The following THSD4 variants were observed in gnomAD, a reference collection of about 807,000 sequenced individuals.
THSD4 encodes the protein thrombospondin type 1 domain containing 4, also known as thrombospondin type-1 domain-containing protein 4.
THSD4 carries 69 observed loss-of-function variants against 119.0 expected under a neutral mutation model. The ratio of observed to expected loss-of-function variants is 0.58; its 90% confidence interval spans 0.48 to 0.71. The LOEUF (loss-of-function observed/expected upper bound fraction) is 0.71. THSD4 is among the 30% of genes least tolerant of loss of function. The probability of loss-of-function intolerance (pLI) is 0.00; values close to 1 mark genes in which losing one functional copy is unlikely to be tolerated. For synonymous variants in THSD4, 524 were observed against 540.4 expected (o/e 0.97, Z 0.42); for missense variants, 1,393 against 1,391.1 (o/e 1.00, Z -0.02).
At chr15:71,137,481 A>G (rs1434146659) in intron 1 of THSD4, among the ~76,000 whole-genome samples, 5 of 152,222 alleles carry the variant, frequency 3.3e-5, no homozygotes, top group Non-Finnish European at 7.3e-5. Context: ...TGGGATCCAC[A>G]GTAAGAAATA....
chr15:71,396,462 T>C (rs2140477748), intron 6 of THSD4, among the ~76,000 whole-genome samples: 1 of 152,320 alleles, frequency 6.6e-6, no homozygotes, highest in Non-Finnish European at 1.5e-5. Flanking sequence ...CTTTACTTTA[T>C]GTGGCAGTTT....
intron 3 of THSD4, among the ~76,000 whole-genome samples, chr15:71,156,826 A>G (rs1169109961): frequency 6.6e-6 from 1 of 152,142 alleles, no homozygotes; most frequent in African/African-American, 2.4e-5. Context: ...CCCAGCTCCT[A>G]GAATACAGCC....
chr15:71,338,457 G>T (rs759902145), intron 6 of THSD4, among the ~76,000 whole-genome samples: 2 of 152,138 alleles, frequency 1.3e-5, no homozygotes, highest in African/African-American at 2.4e-5. Flanking sequence ...ATTGGGCCAT[G>T]AGGTAATGCC....
intron 1 of THSD4, among the ~76,000 whole-genome samples, chr15:71,136,761 TGGGTTCCTCCAGGAG>T (rs1401447439): frequency 6.6e-6 from 1 of 152,034 alleles, no homozygotes; most frequent in East Asian, 1.9e-4. Context: ...TTCTGAGGCA[TGGGTTCCTCCAGGAG>T]GGGGTCCTCC....
intron 3 of THSD4, among the ~76,000 whole-genome samples, chr15:71,164,427 G>A (rs1397224520): frequency 2.8e-5 from 4 of 144,174 alleles, no homozygotes; most frequent in Admixed American, 6.9e-5. Flanking sequence ...CAATTATTTC[G>A]TATAAGCTGC....
intron 7 of THSD4, among the ~76,000 whole-genome samples, chr15:71,534,106 A>G (rs975389022): frequency 2.0e-5 from 3 of 152,120 alleles, no homozygotes; most frequent in Non-Finnish European, 2.9e-5. Context: ...CACACAACAC[A>G]CTTGGCTAGC....
At chr15:71,510,361 C>T (rs2048261005) in intron 7 of THSD4, among the ~76,000 whole-genome samples, 1 of 152,212 alleles carries the variant, frequency 6.6e-6, no homozygotes, top group African/African-American at 2.4e-5. Context: ...GCTACAGCTG[C>T]AAACAAGGCA....
chr15:71,232,826 G>A (rs188753219), intron 4 of THSD4, among the ~76,000 whole-genome samples: 2 of 152,186 alleles, frequency 1.3e-5, no homozygotes, highest in African/African-American at 4.8e-5. Flanking sequence ...AGCCAGGTGG[G>A]TCTTTCAAAT....
rs150658978 is a variant in THSD4 at position 71,458,798 on chromosome 15, G to A, written c.1152+46975G>A. Among the ~76,000 whole-genome samples, 82 of 152,292 alleles carry A rather than the reference G, an allele frequency of 5.4e-4. No individual in the cohort carries two copies. In the Middle Eastern group the frequency reaches 0.01, roughly 19 times the overall value. ...TGGAGAAAGCATGGAAGACATTTAC[G>A]TTACTGAAAGAGGGCCATTCTTATT... On this transcript the variant is annotated intron_variant, in intron 7 of 17. Transcript: ENST00000261862.
intron 7 of THSD4, among the ~76,000 whole-genome samples, chr15:71,650,602 G>A (rs1409884427): frequency 1.3e-5 from 2 of 152,180 alleles, no homozygotes; most frequent in Non-Finnish European, 2.9e-5. Context: ...CACCAGCAGT[G>A]TGCTCCAGCA....
chr15:71,484,477 T>C (rs1206392922), intron 7 of THSD4, among the ~76,000 whole-genome samples: 1 of 152,218 alleles, frequency 6.6e-6, no homozygotes, highest in East Asian at 1.9e-4. Flanking sequence ...GCCTGGCTTT[T>C]AAACCAAACC....
chr15:71,379,273 G>C (rs1270701219), intron 6 of THSD4, among the ~76,000 whole-genome samples: 1 of 151,848 alleles, frequency 6.6e-6, no homozygotes, highest in Admixed American at 6.6e-5. Context: ...CATCTTTTCA[G>C]TTCTAAGGGG....
In THSD4 at chr15:71,247,196, C is replaced by T. The variant is rs571962455; in HGVS notation, c.912+4100C>T. Among the ~76,000 whole-genome samples the T allele has an allele frequency of 7.7e-4, 117 of 151,554 alleles. 3 individuals carry two copies. The South Asian group carries it at 0.024, about 31-fold the overall frequency. ...AACAGGCATGAGCCACTGCACCCGG[C>T]CTTGGTTTTTTTGTTTGTTTATTTT... On this transcript the variant is annotated intron_variant, in intron 5 of 17. Coordinates refer to ENST00000261862, the MANE Select transcript of THSD4 (RefSeq NM_024817.3).
chr15:71,736,263 C>T (rs997890066), intron 10 of THSD4, among the ~76,000 whole-genome samples: 9 of 151,288 alleles, frequency 5.9e-5, no homozygotes, highest in Non-Finnish European at 1.2e-4. Flanking sequence ...TGCTCTCTGT[C>T]TCTGTCTCAC....
At position 71,758,086 on chromosome 15, in the gene THSD4, A is replaced by G. The variant is rs2053574963; in HGVS notation, c.2589+11A>G. ...GGGAGCTGGAGTCAGGTGAGTGGCC[A>G]GAACTGGGTATGTCTGCCTGTGTCA... On this transcript the variant is annotated intron_variant, in intron 15 of 17. Transcript: ENST00000261862. 6.4e-7 allele frequency: 1 copy of G among 1,557,004 alleles called. No homozygotes were observed. Among genetic ancestry groups the G allele is most frequent in the South Asian group, 1.2e-5 (1 of 84,962 alleles).
At chr15:71,450,067 C>A (rs4777391) in intron 7 of THSD4, among the ~76,000 whole-genome samples, 66,600 of 152,050 alleles carry the variant, frequency 0.44, 14,971 homozygotes, top group Middle Eastern at 0.55. Flanking sequence ...GATGTGCAAA[C>A]GAAGGAACAA....
At chr15:71,097,165 T>G (rs971009005) in intron 1 of THSD4, among the ~76,000 whole-genome samples, 2 of 152,244 alleles carry the variant, frequency 1.3e-5, no homozygotes, top group African/African-American at 2.4e-5. Flanking sequence ...GCTTTTCCTT[T>G]GTTTGGGAAA....
intron 7 of THSD4, among the ~76,000 whole-genome samples, chr15:71,624,720 G>T (rs2050477767): frequency 6.6e-6 from 1 of 152,088 alleles, no homozygotes; most frequent in Non-Finnish European, 1.5e-5. Flanking sequence ...GTTGTCATTG[G>T]CCAGGAATCC....
chr15:71,219,458 G>T (rs1439721170), intron 4 of THSD4, among the ~76,000 whole-genome samples: 1 of 152,208 alleles, frequency 6.6e-6, no homozygotes, highest in Non-Finnish European at 1.5e-5. Context: ...GTTAAAAAGA[G>T]AGTTGCCAAG....
Sources: allele counts gnomAD v4.1 joint callset (sites outside exome capture counted in the v4.1 genomes callset), GRCh38; gene constraint gnomAD v4.1.1; transcripts MANE v1.5; gene names NCBI Gene and HGNC (gene_info 2026-07-23, HGNC 2026-07-21).